RARB: variants seen among roughly 807,000 people sequenced by gnomAD.
RARB encodes the protein HBV-activated protein.
RARB carries 17 observed loss-of-function variants against 51.9 expected under a neutral mutation model. The observed-to-expected ratio is 0.33, with a 90% confidence interval of 0.22 to 0.49. The LOEUF is 0.49. Among genes scored for constraint, RARB ranks in the 20% least tolerant of loss-of-function variants. RARB has a pLI of 0.99. For synonymous variants in RARB, 215 were observed against 195.4 expected (o/e 1.10, Z -0.84); for missense variants, 369 against 550.8 (o/e 0.67, Z 3.30).
At chr3:25,065,810 G>T (rs2125305875) in intron 3 of RARB, among the ~76,000 whole-genome samples, 1 of 152,292 alleles carries the variant, frequency 6.6e-6, no homozygotes, top group African/African-American at 2.4e-5. Context: ...AGGCAATGGT[G>T]GCCATTGGCT....
At position 24,858,496 on chromosome 3, in the gene RARB, A is replaced by G. The variant is rs993297750; in HGVS notation, c.-458-178A>G. ...GGTACAGCTTCAGTGAAGAAGTTTCAGTTTGGCTTAAGATTTAGCAAAAGA... is the reference window on the plus strand; with the variant it reads ...GGTACAGCTTCAGTGAAGAAGTTTCGGTTTGGCTTAAGATTTAGCAAAAGA... On this transcript the variant is annotated intron_variant, in intron 1 of 11. Coordinates refer to the RARB transcript ENST00000383772. Among the ~76,000 whole-genome samples the G allele has an allele frequency of 9.2e-5, 14 of 152,228 alleles. 1 individual carries two copies. The highest frequency in any genetic ancestry group is 8.8e-5 in the Non-Finnish European group (6 of 68,046).
At chr3:25,212,932 G>A (rs1411966187) in intron 5 of RARB, among the ~76,000 whole-genome samples, 1 of 152,130 alleles carries the variant, frequency 6.6e-6, no homozygotes, top group Admixed American at 6.5e-5. Flanking sequence ...GGCCACGGAC[G>A]GGAAGTAAGG....
At chr3:25,388,497 A>G (rs1406934564) in intron 5 of RARB, among the ~76,000 whole-genome samples, 2 of 152,362 alleles carry the variant, frequency 1.3e-5, no homozygotes, top group African/African-American at 4.8e-5. Context: ...GTTTAATGAA[A>G]GATAAGTGGA....
intron 2 of RARB, among the ~76,000 whole-genome samples, chr3:24,875,862 T>TTTTTATAG (rs1235999247): frequency 2.6e-5 from 4 of 152,104 alleles, no homozygotes; most frequent in African/African-American, 9.7e-5. Flanking sequence ...AGTTGTCATG[T>TTTTTATAG]TTTTATAGTT....
At chr3:25,194,939 G>A (rs1701195513) in intron 5 of RARB, among the ~76,000 whole-genome samples, 1 of 151,790 alleles carries the variant, frequency 6.6e-6, no homozygotes, top group African/African-American at 2.4e-5. Context: ...TGGTGGAAAA[G>A]GACACTAATT....
At chr3:24,949,687 T>C (rs147263363) in intron 2 of RARB, among the ~76,000 whole-genome samples, 3 of 152,320 alleles carry the variant, frequency 2.0e-5, no homozygotes, top group East Asian at 3.9e-4. Context: ...CTATCTAAAA[T>C]GCATTCAGAT....
intron 2 of RARB, among the ~76,000 whole-genome samples, chr3:24,963,785 C>G (rs992982857): frequency 3.3e-5 from 5 of 151,968 alleles, no homozygotes; most frequent in Admixed American, 6.6e-5. Flanking sequence ...AATTAGGAAC[C>G]TAGAATAAGT....
chr3:25,586,268 G>A (rs1030327388), intron 5 of RARB, among the ~76,000 whole-genome samples: 11 of 152,002 alleles, frequency 7.2e-5, no homozygotes, highest in South Asian at 2.1e-4. Flanking sequence ...CCAGCCACCC[G>A]ATTCCTCCCT....
rs1222485642 is a variant in RARB at position 25,461,337 on chromosome 3, G to A, written c.302G>A (p.Cys101Tyr). ...YHYGVSACEGCKGFFRRSIQK... is the reference protein window; with the variant it reads ...YHYGVSACEGYKGFFRRSIQK... The stretch of plus-strand genomic sequence containing the variant: ...TATGGGGTCAGCGCCTGTGAGGGAT[G>A]TAAGGTGAGTATTCACACTTCTGTG... The change falls in exon 2 of 8, where the codon TGT (cysteine) becomes TAT (tyrosine). Residue 101 changes from cysteine (C) to tyrosine (Y), a missense_variant. Coordinates refer to ENST00000330688, the MANE Select transcript of RARB (RefSeq NM_000965.5). 3 of 1,613,396 alleles carry A rather than the reference G, an allele frequency of 1.9e-6. No individual in the cohort carries two copies. The highest frequency in any genetic ancestry group is 1.7e-5 in the Admixed American group (1 of 59,890).
intron 1 of RARB, among the ~76,000 whole-genome samples, chr3:25,457,563 G>T (rs1308687635): frequency 1.3e-5 from 2 of 152,196 alleles, no homozygotes; most frequent in African/African-American, 4.8e-5. Flanking sequence ...CATAGGAAAA[G>T]ATCCAATCTT....
chr3:25,287,037 T>C (rs1056664655), intron 5 of RARB, among the ~76,000 whole-genome samples: 1 of 152,218 alleles, frequency 6.6e-6, no homozygotes, highest in South Asian at 2.1e-4. Context: ...CTGCCTGTTA[T>C]TACGAACAAT....
At chr3:25,057,385 G>A (rs545983926) in intron 2 of RARB, among the ~76,000 whole-genome samples, 1 of 152,076 alleles carries the variant, frequency 6.6e-6, no homozygotes, top group African/African-American at 2.4e-5. Flanking sequence ...TCACTATTCT[G>A]GCCGTTTTTC....
intron 5 of RARB, among the ~76,000 whole-genome samples, chr3:25,221,885 G>A (rs937504574): frequency 6.6e-6 from 1 of 152,150 alleles, no homozygotes; most frequent in Non-Finnish European, 1.5e-5. Context: ...ATAGGGTACA[G>A]CAATAAATCA....
chr3:25,108,641 G>C (rs1027606055), intron 3 of RARB, among the ~76,000 whole-genome samples: 3 of 152,182 alleles, frequency 2.0e-5, no homozygotes, highest in African/African-American at 7.2e-5. Flanking sequence ...GAATGGATTT[G>C]ATGGATAGAT....
At chr3:24,947,593 G>A (rs1381372804) in intron 2 of RARB, among the ~76,000 whole-genome samples, 1 of 152,152 alleles carries the variant, frequency 6.6e-6, no homozygotes, top group African/African-American at 2.4e-5. Context: ...CAGCTGCAAG[G>A]AAGGCTCGCA....
At position 24,890,195 on chromosome 3, in the gene RARB, C is replaced by A. The variant is rs117978035; in HGVS notation, c.-380+31443C>A. On this transcript the variant is annotated intron_variant, in intron 2 of 11. Transcript: ENST00000383772. ...TAAAAGCACGAGTCTTTAAAAGTTGCCTTGCTGGTGCTGTCTGTAGTGGTT... is the reference window on the plus strand; with the variant it reads ...TAAAAGCACGAGTCTTTAAAAGTTGACTTGCTGGTGCTGTCTGTAGTGGTT... Among the ~76,000 whole-genome samples the A allele has an allele frequency of 2.0e-4, 31 of 152,222 alleles. 1 individual carries two copies. In the East Asian group the frequency reaches 5.6e-3, roughly 27 times the overall value.
chr3:25,496,969 C>G (rs907547914), intron 2 of RARB, among the ~76,000 whole-genome samples: 1 of 152,210 alleles, frequency 6.6e-6, no homozygotes, highest in African/African-American at 2.4e-5. Flanking sequence ...ACTGCAACCT[C>G]TGCCTCCCGG....
chr3:25,277,007 T>A (rs536511525), intron 5 of RARB, among the ~76,000 whole-genome samples: 103 of 152,314 alleles, frequency 6.8e-4, no homozygotes, highest in African/African-American at 2.4e-3. Context: ...GATAGATGAA[T>A]GAATACTTGG....
intron 3 of RARB, among the ~76,000 whole-genome samples, chr3:25,544,011 G>A (rs767723497): frequency 7.9e-5 from 12 of 152,174 alleles, no homozygotes; most frequent in Non-Finnish European, 1.6e-4. Context: ...TGCTAGCATA[G>A]AGTGGGTAAT....
Sources: allele counts gnomAD v4.1 joint callset (sites outside exome capture counted in the v4.1 genomes callset), GRCh38; gene constraint gnomAD v4.1.1; transcripts MANE v1.5; gene names NCBI Gene and HGNC (gene_info 2026-07-23, HGNC 2026-07-21).